The following POMGNT1 variants were observed in gnomAD, a reference collection of about 807,000 sequenced individuals.
The protein encoded by POMGNT1 is protein O-linked mannose N-acetylglucosaminyltransferase 1 (beta 1,2-).
Under a neutral mutation model 95.6 loss-of-function variants are expected in POMGNT1, and 67 were observed. The ratio of observed to expected loss-of-function variants is 0.70; its 90% confidence interval spans 0.58 to 0.86. The LOEUF (loss-of-function observed/expected upper bound fraction) is 0.86, where lower values mean the gene tolerates loss of function less well. Among genes scored for constraint, POMGNT1 ranks in the 40% least tolerant of loss-of-function variants. The pLI is 0.00. For missense variants in POMGNT1, 719 were observed against 855.2 expected, an observed-to-expected ratio of 0.84 and a Z score of 1.99; for synonymous variants, 298 against 317.9, an observed-to-expected ratio of 0.94 and a Z score of 0.66.
At chr1:46,190,093 AGTTC>A in intron 19 of POMGNT1, 104 bp from the exon 20 acceptor site, 2 of 1,122,990 alleles carry the variant, frequency 1.8e-6, no homozygotes, top group Non-Finnish European at 2.5e-6. Context: ...GCCACCTTGA[AGTTC>A]TTTTTTTTTT....
upstream of POMGNT1, among the ~76,000 whole-genome samples, chr1:46,200,407 A>G (rs1261580083): frequency 1.3e-5 from 2 of 152,156 alleles, no homozygotes; most frequent in African/African-American, 4.8e-5. Context: ...TTCTGGAATC[A>G]TTTCCTTTCA....
At position 46,193,227 on chromosome 1, in the gene POMGNT1, G is replaced by A. The variant is rs369760788; in HGVS notation, c.1111-12C>T. ...CTGGCCTTGTAGTGCTGGGAGTGGGGTGGGAATAGGGCACATGAGCTTTAG... is the reference window on the plus strand; with the variant it reads ...CTGGCCTTGTAGTGCTGGGAGTGGGATGGGAATAGGGCACATGAGCTTTAG... On this transcript the variant is annotated splice_polypyrimidine_tract_variant and intron_variant, in intron 12 of 21. Coordinates refer to ENST00000371984, the MANE Select transcript of POMGNT1 (RefSeq NM_017739.4). 1.1e-5 allele frequency: 18 copies of A among 1,614,206 alleles called. No homozygotes were observed. The highest frequency in any genetic ancestry group is 1.5e-5 in the Non-Finnish European group (18 of 1,180,040).
chr1:46,199,633 C>T (rs899239389), upstream of POMGNT1, among the ~76,000 whole-genome samples: 6 of 152,148 alleles, frequency 3.9e-5, no homozygotes, highest in Admixed American at 1.3e-4. Flanking sequence ...CAATATAATC[C>T]AATTTCTGTT....
In POMGNT1 at chr1:46,188,924, G is replaced by C. The variant is rs762671303; in HGVS notation, c.*346C>G. ...AAAGAAATCCAGGCCCTCCAGGTTC[G>C]GCCTGTTTTCAAGGCCCTCAGGACA... On this transcript the variant is annotated 3_prime_UTR_variant, in exon 22 of 22. Coordinates refer to ENST00000371984, the MANE Select transcript of POMGNT1 (RefSeq NM_017739.4). 63 of 1,612,638 alleles carry C rather than the reference G, an allele frequency of 3.9e-5. No homozygotes were observed. Among genetic ancestry groups the C allele is most frequent in the Non-Finnish European group, 5.1e-5 (60 of 1,179,880 alleles).
chr1:46,195,558 A>G, intron 6 of POMGNT1: 2 of 541,616 alleles, frequency 3.7e-6, no homozygotes, highest in South Asian at 3.8e-5. Flanking sequence ...CTGCTGGAAT[A>G]TAAGCTCCAT....
Position 46,192,503 on chromosome 1 carries a change from G to A in POMGNT1, c.1284+15C>T, listed in dbSNP as rs775367856. 1.4e-5 allele frequency: 23 copies of A among 1,614,130 alleles called. No individual in the cohort carries two copies. The highest frequency in any genetic ancestry group is 1.9e-5 in the Non-Finnish European group (22 of 1,180,030). ...TCATAAACTCGCCTGCTAAACCCTG[G>A]TCATTCCAGCCTACCTGGTCATTCC... On this transcript the variant is annotated intron_variant, in intron 15 of 21. Transcript: ENST00000371984.
At chr1:46,203,231 G>A (rs990426714), upstream of POMGNT1, 12 of 405,514 alleles carry the variant, frequency 3.0e-5, no homozygotes, top group Non-Finnish European at 4.4e-5. Context: ...GCCAGAGGTT[G>A]TGTGCGCAGC....
At chr1:46,203,554 T>C in intron 1 of POMGNT1, 2 of 1,569,336 alleles carry the variant, frequency 1.3e-6, no homozygotes, top group Non-Finnish European at 1.7e-6. Context: ...TCTGGCGCCC[T>C]GCTGCTCCCA....
intron 1 of POMGNT1, chr1:46,203,611 T>C: frequency 6.2e-7 from 1 of 1,600,268 alleles, no homozygotes; most frequent in South Asian, 1.1e-5. Flanking sequence ...ATCATGGCGC[T>C]GAAGATGGAG....
intron 1 of POMGNT1, among the ~76,000 whole-genome samples, chr1:46,219,103 C>T (rs1044910011): frequency 1.3e-5 from 2 of 152,012 alleles, no homozygotes; most frequent in Admixed American, 1.3e-4. Context: ...TTGAGACCAG[C>T]CTGACCAACA....
At chr1:46,198,530 C>CGGCGGCGGCGGT (rs1039007977), upstream of POMGNT1, 12 of 148,046 alleles carry the variant, frequency 8.1e-5, no homozygotes, top group South Asian at 1.9e-4. Flanking sequence ...GCGGCGGCGG[C>CGGCGGCGGCGGT]GGCGGCGGCG....
Position 46,212,523 on chromosome 1 carries a change from C to T in POMGNT1, c.-51+7182G>A, listed in dbSNP as rs147623995. Among the ~76,000 whole-genome samples the T allele has an allele frequency of 8.2e-3, 1,241 of 151,244 alleles. 16 individuals are homozygous for T. Among genetic ancestry groups the T allele is most frequent in the African/African-American group, 0.029 (1,180 of 41,214 alleles). On this transcript the variant is annotated intron_variant, in intron 1 of 22. Transcript: ENST00000371992. ...GTCTTGATCTCCTGACCTCGTGATC[C>T]GCCCGCCTTGGCCTCCCAAAGTGCT...
chr1:46,201,266 C>G (rs1658524154), upstream of POMGNT1, among the ~76,000 whole-genome samples: 1 of 151,188 alleles, frequency 6.6e-6, no homozygotes, highest in Non-Finnish European at 1.5e-5. Context: ...AATCCCAGCA[C>G]TTTGGGAGGC....
chr1:46,203,406 C>T (rs1203839135), upstream of POMGNT1: 3 of 1,439,080 alleles, frequency 2.1e-6, no homozygotes, highest in South Asian at 1.5e-5. Flanking sequence ...GTCGCCCAGC[C>T]CTTTTCAGGC....
chr1:46,211,934 G>A (rs1370196129), intron 1 of POMGNT1, among the ~76,000 whole-genome samples: 1 of 151,896 alleles, frequency 6.6e-6, no homozygotes, highest in Non-Finnish European at 1.5e-5. Context: ...GCCAATTTTT[G>A]TATTTTTATT....
At chr1:46,197,305 T>A in intron 2 of POMGNT1, 2 of 1,489,070 alleles carry the variant, frequency 1.3e-6, no homozygotes, top group Non-Finnish European at 1.8e-6. Context: ...GGGCCCTCCC[T>A]ACCCAGTGCT....
chr1:46,206,029 A>C (rs749604992), intron 1 of POMGNT1, among the ~76,000 whole-genome samples: 1 of 152,154 alleles, frequency 6.6e-6, no homozygotes, highest in Non-Finnish European at 1.5e-5. Context: ...CCTCCATTCA[A>C]AGGTTGAGTG....
intron 1 of POMGNT1, among the ~76,000 whole-genome samples, chr1:46,214,867 C>CAAAAA (rs5773905): frequency 4.5e-5 from 4 of 89,516 alleles, no homozygotes; most frequent in Non-Finnish European, 7.9e-5. Context: ...GACTCCATCT[C>CAAAAA]AAAAAAAAAA....
chr1:46,216,043 C>CTTTTTTTTTTTTTTTTTT (rs141982741), intron 1 of POMGNT1, among the ~76,000 whole-genome samples: 2 of 92,540 alleles, frequency 2.2e-5, no homozygotes, highest in African/African-American at 8.6e-5. Context: ...TTTATTTTAT[C>CTTTTTTTTTTTTTTTTTT]TTTTTTTTTT....
Sources: allele counts gnomAD v4.1 joint callset (sites outside exome capture counted in the v4.1 genomes callset), GRCh38; gene constraint gnomAD v4.1.1; transcripts MANE v1.5; gene names NCBI Gene and HGNC (gene_info 2026-07-23, HGNC 2026-07-21).